Variants in CTNNA3 observed in about 807,000 individuals in gnomAD.
The protein encoded by CTNNA3 is catenin alpha-3.
A neutral mutation model predicts 95.7 loss-of-function variants in CTNNA3; 76 were observed. That is an observed-to-expected ratio of 0.79 (90% CI 0.66 to 0.96). The LOEUF (loss-of-function observed/expected upper bound fraction) is 0.96, where lower values mean the gene tolerates loss of function less well. Ranked by LOEUF, CTNNA3 falls within the 40% of genes least tolerant of loss-of-function variation. The pLI is 0.00. For synonymous variants in CTNNA3, 431 were observed against 374.4 expected (o/e 1.15, Z -1.74); for missense variants, 1,191 against 1,089.8 (o/e 1.09, Z -1.31).
intron 3 of CTNNA3, among the ~76,000 whole-genome samples, chr10:67,567,799 C>A (rs979883528): frequency 5.3e-5 from 8 of 152,042 alleles, no homozygotes; most frequent in African/African-American, 1.9e-4. Flanking sequence ...TAATTGTAGG[C>A]CTCCACCAAG....
rs865829746 is a variant in CTNNA3 at position 67,743,170 on chromosome 10, G to T, written c.-2+20264C>A. On this transcript the variant is annotated intron_variant, in intron 1 of 17. Transcript: ENST00000684154. ...CATTTTATGAGGCCAGCATCATCCTGATACCAAAGCCTGGCAGAGACACAA... is the reference window on the plus strand; with the variant it reads ...CATTTTATGAGGCCAGCATCATCCTTATACCAAAGCCTGGCAGAGACACAA... Among the ~76,000 whole-genome samples the T allele has an allele frequency of 2.5e-4, 38 of 151,346 alleles. 3 individuals are homozygous for T. Among genetic ancestry groups the T allele is most frequent in the Middle Eastern group, 3.5e-3 (1 of 288 alleles).
At chr10:66,765,995 A>G (rs964592544) in intron 9 of CTNNA3, among the ~76,000 whole-genome samples, 5 of 152,218 alleles carry the variant, frequency 3.3e-5, no homozygotes, top group African/African-American at 1.2e-4. Flanking sequence ...GAATGGGAAG[A>G]AAATATTTGT....
chr10:66,490,468 T>A (rs1373742898), intron 11 of CTNNA3, among the ~76,000 whole-genome samples: 3 of 152,200 alleles, frequency 2.0e-5, no homozygotes, highest in Admixed American at 6.5e-5. Flanking sequence ...AAAAGAAGAC[T>A]ATTTAAAGAT....
In CTNNA3 at chr10:67,722,492, G is replaced by A. The variant is rs1347511856; in HGVS notation, c.-2+40942C>T. Among the ~76,000 whole-genome samples, 5 of 152,272 alleles carry A rather than the reference G, an allele frequency of 3.3e-5. No homozygotes were observed. The East Asian group carries it at 9.6e-4, about 29-fold the overall frequency. Reference sequence around the variant, plus strand: ...TTCACAGCTACCAATCTCAAAGAGAGAAAACAATATAAAGATGATATCCCA... The same window carrying A: ...TTCACAGCTACCAATCTCAAAGAGAAAAAACAATATAAAGATGATATCCCA... On this transcript the variant is annotated intron_variant, in intron 1 of 17. Coordinates refer to the CTNNA3 transcript ENST00000684154.
At chr10:66,816,568 C>A (rs767373915) in intron 7 of CTNNA3, among the ~76,000 whole-genome samples, 1 of 152,126 alleles carries the variant, frequency 6.6e-6, no homozygotes, top group South Asian at 2.1e-4. Flanking sequence ...GAAATTTCAA[C>A]AATACCAGTT....
Position 67,015,710 on chromosome 10 carries a change from CTTCTTT to C in CTNNA3, c.1047+164601_1047+164606del, listed in dbSNP as rs576437794. Among the ~76,000 whole-genome samples, 233 of 152,086 alleles carry C rather than the reference CTTCTTT, an allele frequency of 1.5e-3. 4 individuals carry two copies. In the South Asian group the frequency reaches 0.047, roughly 31 times the overall value. ...AGATTCAAATCTTTGTAACAATTTTCTTCTTTTTATTTTTTATTTTTATTGATTCAT... is the reference window on the plus strand; with the variant it reads ...AGATTCAAATCTTTGTAACAATTTTCTTATTTTTTATTTTTATTGATTCAT... On this transcript the variant is annotated intron_variant, in intron 7 of 17. Coordinates refer to ENST00000433211, the MANE Select transcript of CTNNA3 (RefSeq NM_013266.4).
chr10:66,066,676 T>C (rs2080319649), intron 15 of CTNNA3, among the ~76,000 whole-genome samples: 1 of 152,182 alleles, frequency 6.6e-6, no homozygotes, highest in South Asian at 2.1e-4. Flanking sequence ...ATAAATTTAA[T>C]TTTCTCACTT....
At chr10:67,505,310 T>C (rs1221633697) in intron 5 of CTNNA3, among the ~76,000 whole-genome samples, 1 of 152,226 alleles carries the variant, frequency 6.6e-6, no homozygotes, top group Non-Finnish European at 1.5e-5. Flanking sequence ...ATCATAACTA[T>C]TCTCAATGAC....
chr10:67,521,363 G>T (rs1329204916), intron 5 of CTNNA3, among the ~76,000 whole-genome samples: 1 of 152,070 alleles, frequency 6.6e-6, no homozygotes, highest in African/African-American at 2.4e-5. Context: ...TCCACACTTA[G>T]CAAATTACTC....
intron 17 of CTNNA3, among the ~76,000 whole-genome samples, chr10:65,928,096 G>T (rs965113060): frequency 2.0e-5 from 3 of 152,088 alleles, no homozygotes; most frequent in Non-Finnish European, 4.4e-5. Flanking sequence ...ATGTTAAACA[G>T]ATTTTCCTTT....
intron 5 of CTNNA3, among the ~76,000 whole-genome samples, chr10:67,284,036 T>G (rs1441810410): frequency 1.3e-5 from 2 of 152,160 alleles, no homozygotes; most frequent in Non-Finnish European, 2.9e-5. Flanking sequence ...CAGCAAACCT[T>G]CAGAGGGCTG....
intron 10 of CTNNA3, among the ~76,000 whole-genome samples, chr10:66,543,465 G>A (rs1013907997): frequency 2.0e-5 from 3 of 151,724 alleles, no homozygotes; most frequent in Non-Finnish European, 4.4e-5. Context: ...CATGGAAAGG[G>A]GTTTAAGTTA....
exon 1 of CTNNA3, among the ~76,000 whole-genome samples, chr10:67,763,477 T>G (rs190330476): frequency 7.2e-5 from 11 of 152,168 alleles, no homozygotes; most frequent in Non-Finnish European, 1.3e-4. Flanking sequence ...AAAGGTCGAG[T>G]TGCCTTCCTG....
chr10:66,153,312 A>G (rs897823612), intron 13 of CTNNA3, among the ~76,000 whole-genome samples: 2 of 151,812 alleles, frequency 1.3e-5, no homozygotes, highest in Admixed American at 6.6e-5. Flanking sequence ...GGACTCTGTT[A>G]ATCATATATT....
intron 1 of CTNNA3, among the ~76,000 whole-genome samples, chr10:67,751,482 T>G (rs1841406916): frequency 6.6e-6 from 1 of 152,088 alleles, no homozygotes; most frequent in Admixed American, 6.6e-5. Context: ...AATGTCTGTC[T>G]GTCAAGCACC....
At chr10:65,979,440 C>T (rs994065264) in intron 16 of CTNNA3, among the ~76,000 whole-genome samples, 3 of 152,008 alleles carry the variant, frequency 2.0e-5, no homozygotes, top group South Asian at 2.1e-4. Flanking sequence ...AGAATTACTT[C>T]GACTGAAACA....
At chr10:67,245,855 C>CAA (rs34908113) in intron 5 of CTNNA3, among the ~76,000 whole-genome samples, 19 of 72,138 alleles carry the variant, frequency 2.6e-4, no homozygotes, top group Admixed American at 6.2e-4. Flanking sequence ...ACTCTGTCTC[C>CAA]AAAAAAAAAA....
chr10:66,855,211 T>A (rs1192585450), intron 7 of CTNNA3, among the ~76,000 whole-genome samples: 1 of 151,984 alleles, frequency 6.6e-6, no homozygotes, highest in Non-Finnish European at 1.5e-5. Flanking sequence ...GCTAGTGTTT[T>A]CAACTGGGAC....
intron 13 of CTNNA3, among the ~76,000 whole-genome samples, chr10:66,191,309 AACC>A (rs2086654592): frequency 6.6e-6 from 1 of 152,094 alleles, no homozygotes; most frequent in African/African-American, 2.4e-5. Context: ...CTGGATTTAC[AACC>A]CTTAAAATGT....
Sources: gnomAD v4.1 joint callset for allele counts (sites outside exome capture counted in the v4.1 genomes callset) on GRCh38, gnomAD v4.1.1 for gene constraint, MANE v1.5 for transcripts, NCBI Gene and HGNC (gene_info 2026-07-23, HGNC 2026-07-21) for gene names.